Variants in REV1 observed in about 807,000 individuals in gnomAD.
REV1 encodes the protein REV1 DNA directed polymerase, also known as translesion synthesis protein REV1.
REV1 carries 42 observed loss-of-function variants against 137.4 expected under a neutral mutation model. That is an observed-to-expected ratio of 0.31 (90% confidence interval 0.24 to 0.40). The LOEUF is 0.40. Ranked by LOEUF, REV1 falls within the 10% of genes least tolerant of loss-of-function variation. REV1 has a pLI of 1.00. For synonymous variants in REV1, 524 were observed against 519.2 expected, an observed-to-expected ratio of 1.01 and a Z score of -0.12; for missense variants, 1,282 against 1,490.1, an observed-to-expected ratio of 0.86 and a Z score of 2.30.
intron 1 of REV1, among the ~76,000 whole-genome samples, chr2:99,483,395 C>T (rs955765133): frequency 6.6e-6 from 1 of 152,164 alleles, no homozygotes; most frequent in Admixed American, 6.5e-5. Flanking sequence ...TGGGTATGAT[C>T]AGGAATGACT....
chr2:99,442,240 A>C, intron 5 of REV1, 77 bp downstream of exon 5: 1 of 1,377,204 alleles, frequency 7.3e-7, no homozygotes, highest in East Asian at 2.4e-5. Flanking sequence ...CAACAAGAGC[A>C]AAACTCCATC....
intron 1 of REV1, among the ~76,000 whole-genome samples, chr2:99,481,065 T>C (rs1414411282): frequency 6.6e-6 from 1 of 152,230 alleles, no homozygotes; most frequent in Non-Finnish European, 1.5e-5. Context: ...CTTGAAGTGT[T>C]AGTAACTTTG....
Position 99,435,920 on chromosome 2 carries a change from G to A in REV1, c.1235C>T (p.Ser412Phe). Reference protein sequence around the residue: ...TDTGDMSVLNSPRHQSCIMHV... With the variant: ...TDTGDMSVLNFPRHQSCIMHV... ...CATTATACAGCTCTGATGTCTGGGA[G>A]AATTCAATACTGACATATCTCCTAG... is the stretch of plus-strand genomic sequence containing the variant. The change falls in exon 7 of 23, where the codon TCT (serine) becomes TTT (phenylalanine). Residue 412 changes from serine to phenylalanine, a missense_variant. Ser to Phe is a radical substitution (Grantham distance 155, BLOSUM62 -2). Coordinates refer to ENST00000258428, the MANE Select transcript of REV1 (RefSeq NM_016316.4). 1.3e-6 allele frequency: 2 copies of A among 1,598,382 alleles called. No individual in the cohort carries two copies. The highest frequency in any genetic ancestry group is 8.6e-7 in the Non-Finnish European group (1 of 1,167,336).
chr2:99,480,539 A>C (rs1000107181), intron 1 of REV1, among the ~76,000 whole-genome samples: 1 of 152,228 alleles, frequency 6.6e-6, no homozygotes, highest in Non-Finnish European at 1.5e-5. Flanking sequence ...AGCCTACACC[A>C]TAACGTATAA....
chr2:99,484,679 T>C (rs1686962138), intron 1 of REV1, among the ~76,000 whole-genome samples: 1 of 151,826 alleles, frequency 6.6e-6, no homozygotes, highest in Non-Finnish European at 1.5e-5. Context: ...AGTATAGTAG[T>C]AGTAGTTAAA....
rs150398672 is a variant in REV1 at position 99,486,027 on chromosome 2, A to G, written c.-11+3790T>C. On this transcript the variant is annotated intron_variant, in intron 1 of 22. Transcript: ENST00000258428. ...GTAGTGCAGGCTACTCGAGCGCCTG[A>G]GGCGGGAGGCTGGCTTGAGCCCAGG... is the stretch of plus-strand genomic sequence containing the variant. Among the ~76,000 whole-genome samples the G allele has an allele frequency of 2.4e-4, 36 of 152,336 alleles. No homozygotes were observed. The East Asian group carries it at 4.8e-3, about 20-fold the overall frequency.
intron 9 of REV1, chr2:99,424,986 A>C: frequency 1.1e-6 from 1 of 908,762 alleles, no homozygotes; most frequent in Non-Finnish European, 1.5e-6. Flanking sequence ...CAAAACTATA[A>C]TTATGGAATT....
intron 1 of REV1, among the ~76,000 whole-genome samples, chr2:99,478,777 C>A (rs1452689655): frequency 3.3e-5 from 5 of 152,178 alleles, no homozygotes; most frequent in African/African-American, 1.2e-4. Context: ...GGCCCCAACT[C>A]CAACGTTTCT....
intron 8 of REV1, 76 bp downstream of exon 8, chr2:99,434,256 T>C: frequency 1.1e-6 from 1 of 890,326 alleles, no homozygotes; most frequent in Non-Finnish European, 1.7e-6. Flanking sequence ...TCATTTCTAT[T>C]AACAACCATG....
chr2:99,421,348 A>C (rs1678649227), intron 11 of REV1, 151 bp downstream of exon 11: 3 of 552,978 alleles, frequency 5.4e-6, no homozygotes, highest in Admixed American at 6.8e-5. Context: ...TATTTCCAGC[A>C]CTTATCTCGT....
chr2:99,472,858 A>G (rs1685570531), intron 1 of REV1, among the ~76,000 whole-genome samples: 1 of 152,254 alleles, frequency 6.6e-6, no homozygotes, highest in Non-Finnish European at 1.5e-5. Flanking sequence ...CTTTAATGGT[A>G]AAAGTTTTAA....
intron 1 of REV1, among the ~76,000 whole-genome samples, chr2:99,476,937 C>A (rs1487390056): frequency 1.3e-5 from 2 of 152,176 alleles, no homozygotes; most frequent in Non-Finnish European, 1.5e-5. Flanking sequence ...TGATTTTATT[C>A]TGTATCTTTT....
chr2:99,403,322 T>G, intron 19 of REV1: 1 of 586,656 alleles, frequency 1.7e-6, no homozygotes, highest in Non-Finnish European at 3.0e-6. Context: ...ACCTTTGGCA[T>G]GTTGCTCATC....
chr2:99,441,397 A>G (rs1338444907), intron 5 of REV1, among the ~76,000 whole-genome samples: 1 of 152,150 alleles, frequency 6.6e-6, no homozygotes, highest in African/African-American at 2.4e-5. Flanking sequence ...ACCACCTGAT[A>G]TACAAGGTAA....
At chr2:99,424,122 G>C in intron 10 of REV1, 30 bp downstream of exon 10, 1 of 1,602,612 alleles carries the variant, frequency 6.2e-7, no homozygotes, top group Non-Finnish European at 8.5e-7. Context: ...GGAAAACACA[G>C]ACACAAAATG....
chr2:99,408,569 A>G (rs1676664202), intron 14 of REV1, among the ~76,000 whole-genome samples: 1 of 152,196 alleles, frequency 6.6e-6, no homozygotes, highest in Non-Finnish European at 1.5e-5. Context: ...AGAAAGATAA[A>G]TTCTCTGTAT....
intron 1 of REV1, among the ~76,000 whole-genome samples, chr2:99,478,547 A>T (rs1686235798): frequency 6.6e-6 from 1 of 152,238 alleles, no homozygotes; most frequent in Non-Finnish European, 1.5e-5. Context: ...ATAATCTCAC[A>T]GGAAAGCCAA....
rs556625814 is a variant in REV1, at chr2:99,487,519, T to C, written c.-11+2298A>G. ...GCTAACAGAAGAGCCTGCAACCTAA[T>C]TGCCTCTAAAGAGCCTTTTTAATAT... On this transcript the variant is annotated intron_variant, in intron 1 of 22. Coordinates refer to ENST00000258428, the MANE Select transcript of REV1 (RefSeq NM_016316.4). Among the ~76,000 whole-genome samples the C allele has an allele frequency of 6.7e-5, 8 of 118,876 alleles. 1 individual carries two copies. The highest frequency in any genetic ancestry group is 2.4e-4 in the African/African-American group (8 of 33,320). 78.0% of individuals were successfully genotyped at this position (118,876 alleles called of 152,430 possible). A position where few individuals can be genotyped will look rare whatever the true frequency, so the allele number is the denominator to read the frequency against.
chr2:99,429,953 A>G lies in REV1; in HGVS notation c.1439-5T>C. The G allele has an allele frequency of 6.6e-7, 1 of 1,511,286 alleles. No homozygotes were observed. Among genetic ancestry groups the G allele is most frequent in the South Asian group, 1.2e-5 (1 of 80,814 alleles). 93.6% of individuals were successfully genotyped at this position (1,511,286 alleles called of 1,614,324 possible). On this transcript the variant is annotated splice_polypyrimidine_tract_variant and splice_region_variant and intron_variant, in intron 8 of 22. Coordinates refer to ENST00000258428, the MANE Select transcript of REV1 (RefSeq NM_016316.4). ...ATGATGAATCTGGTATATCTGCTTTAAAAATAAAAAAAAATTAATGGTTAT... is the reference window on the plus strand; with the variant it reads ...ATGATGAATCTGGTATATCTGCTTTGAAAATAAAAAAAAATTAATGGTTAT...
Sources: gnomAD v4.1 joint callset for allele counts (sites outside exome capture counted in the v4.1 genomes callset) on GRCh38, gnomAD v4.1.1 for gene constraint, MANE v1.5 for transcripts, NCBI Gene and HGNC (gene_info 2026-07-23, HGNC 2026-07-21) for gene names.